The following DHRS9 variants were observed in gnomAD, a reference collection of about 807,000 sequenced individuals.
DHRS9 encodes the protein dehydrogenase/reductase 9, also known as dehydrogenase/reductase SDR family member 9.
A neutral mutation model predicts 26.6 loss-of-function variants in DHRS9; 18 were observed. The observed-to-expected ratio is 0.68, with a 90% CI of 0.47 to 1.00. The LOEUF (loss-of-function observed/expected upper bound fraction) is 1.00. Among genes scored for constraint, DHRS9 ranks in the 50% least tolerant of loss-of-function variants. DHRS9 has a pLI of 0.00. For missense variants in DHRS9, 425 were observed against 378.7 expected, an observed-to-expected ratio of 1.12 and a Z score of -1.01; for synonymous variants, 134 against 141.1, an observed-to-expected ratio of 0.95 and a Z score of 0.36.
upstream of DHRS9, among the ~76,000 whole-genome samples, chr2:169,067,892 G>A (rs573003895): frequency 6.6e-6 from 1 of 152,316 alleles, no homozygotes; most frequent in South Asian, 2.1e-4. Flanking sequence ...GAACCCATGA[G>A]TTGGGCCCAC....
rs758163644 is a variant in DHRS9, at chr2:169,081,697, C to T, written c.116C>T (p.Ser39Leu). Residue 39 changes from serine (S) to leucine (L), a missense_variant, in exon 2 of 5, where the codon TCG (serine) becomes TTG (leucine). By Grantham distance (145) the Ser-to-Leu change is moderately radical. Transcript: ENST00000674881. ...DKYIFITGCDSGFGNLAARTF... is the reference protein window; with the variant it reads ...DKYIFITGCDLGFGNLAARTF... ...TACATTTTTATCACTGGATGTGACT[C>T]GGGCTTTGGAAACTTGGCAGCCAGA... 1.7e-5 allele frequency: 28 copies of T among 1,614,022 alleles called. No individual in the cohort carries two copies. Among genetic ancestry groups the T allele is most frequent in the Non-Finnish European group, 2.2e-5 (26 of 1,180,028 alleles).
At chr2:169,076,774 C>T (rs892058787) in intron 1 of DHRS9, among the ~76,000 whole-genome samples, 2 of 152,260 alleles carry the variant, frequency 1.3e-5, no homozygotes, top group Admixed American at 1.3e-4. Flanking sequence ...CAAAACTTAA[C>T]TCACAGCCTA....
At chr2:169,088,729 CT>C (rs1300332254) in intron 3 of DHRS9, among the ~76,000 whole-genome samples, 2 of 152,130 alleles carry the variant, frequency 1.3e-5, no homozygotes, top group Non-Finnish European at 1.5e-5. Flanking sequence ...CTCCTTTTTA[CT>C]TTTTGCCTTA....
intron 1 of DHRS9, chr2:169,070,134 G>C (rs1683755718): frequency 1.0e-6 from 1 of 985,276 alleles, no homozygotes; most frequent in African/African-American, 1.7e-5. Context: ...CTGCAGGTCT[G>C]ATCTGTTTGT....
intron 1 of DHRS9, among the ~76,000 whole-genome samples, chr2:169,075,496 A>G (rs1015980921): frequency 1.4e-4 from 22 of 152,334 alleles, no homozygotes; most frequent in African/African-American, 4.6e-4. Context: ...TCATCACAGT[A>G]TAATTATCAA....
At chr2:169,081,117 C>T in intron 1 of DHRS9, 1 of 993,334 alleles carries the variant, frequency 1.0e-6, no homozygotes, top group Non-Finnish European at 1.2e-6. Context: ...AGATTTTAAG[C>T]CCATTCTGCA....
chr2:169,085,825 A>G (rs1684332220), intron 3 of DHRS9, among the ~76,000 whole-genome samples: 1 of 152,178 alleles, frequency 6.6e-6, no homozygotes, highest in South Asian at 2.1e-4. Context: ...AACAAGGATA[A>G]TTTGACTTCC....
chr2:169,073,594 C>T (rs770249864), intron 1 of DHRS9, among the ~76,000 whole-genome samples: 8 of 152,134 alleles, frequency 5.3e-5, no homozygotes, highest in African/African-American at 1.9e-4. Flanking sequence ...AGGGAGGGAA[C>T]AGATGGGAGG....
chr2:169,093,579 A>G (rs1436640545), intron 4 of DHRS9, among the ~76,000 whole-genome samples: 1 of 152,146 alleles, frequency 6.6e-6, no homozygotes, highest in Admixed American at 6.5e-5. Context: ...TCTCTGTTTG[A>G]TATTGATACC....
In DHRS9 at chr2:169,095,723, T is replaced by C. The variant is rs1059261; in HGVS notation, c.916T>C (p.Leu306=). The change falls in exon 5 of 5, where the codon TTG becomes CTG. Residue 306 remains leucine (L), a synonymous_variant. Coordinates refer to ENST00000674881, the MANE Select transcript of DHRS9 (RefSeq NM_001376924.1). ...HMPAALQDFL[L]LKQKAELANP... is the part of the protein sequence containing the mutation. ...GCCAGCAGCTTTGCAAGACTTTTTATTGTTGAAACAGAAAGCAGAGCTGGC... is the reference window on the plus strand; with the variant it reads ...GCCAGCAGCTTTGCAAGACTTTTTACTGTTGAAACAGAAAGCAGAGCTGGC... 0.21 allele frequency: 337,213 copies of C among 1,613,652 alleles called. 37,084 individuals carry two copies. Among genetic ancestry groups the C allele is most frequent in the African/African-American group, 0.38 (28,842 of 74,944 alleles).
intron 3 of DHRS9, among the ~76,000 whole-genome samples, chr2:169,085,831 C>A (rs902281082): frequency 1.3e-5 from 2 of 151,848 alleles, no homozygotes; most frequent in African/African-American, 4.8e-5. Context: ...GATAATTTGA[C>A]TTCCTCCTTT....
rs374056597 is a variant in DHRS9, at chr2:169,092,265, C to T, written c.736+312C>T. On this transcript the variant is annotated intron_variant, in intron 4 of 4. Coordinates refer to ENST00000674881, the MANE Select transcript of DHRS9 (RefSeq NM_001376924.1). ...TGTCCTGCTCAAGATTACACAACAC[C>T]TCCTAGTCATGCCTGGACCTGAGCC... 2.8e-4 allele frequency among the ~76,000 whole-genome samples: 43 copies of T among 152,290 alleles called. No individual in the cohort carries two copies. The East Asian group carries it at 2.9e-3, about 10-fold the overall frequency.
chr2:169,091,922 A>T lies in DHRS9; in HGVS notation c.705A>T (p.Lys235Asn). 6.2e-7 allele frequency: 1 copy of T among 1,613,986 alleles called. No individual in the cohort carries two copies. Among genetic ancestry groups the T allele is most frequent in the African/African-American group, 1.3e-5 (1 of 75,042 alleles). ...GGGAGCAGCTGTCTCCAGACATCAA[A>T]CAACAATATGGAGAAGGTTACATTG... ...AIWEQLSPDI[K>N]QQYGEGYIEK... The change falls in exon 4 of 5, where the codon AAA becomes AAT. Residue 235 changes from lysine to asparagine, a missense_variant. Coordinates refer to ENST00000674881, the MANE Select transcript of DHRS9 (RefSeq NM_001376924.1).
rs146827940 is a variant in DHRS9, at chr2:169,096,070, C to G, written c.*303C>G. 14 of 384,212 alleles carry G rather than the reference C, an allele frequency of 3.6e-5. No individual in the cohort carries two copies. The highest frequency in any genetic ancestry group is 1.6e-4 in the South Asian group (5 of 30,514). The allele number at this position is 384,212 out of a possible 1,614,324, so 23.8% of individuals were successfully genotyped here. ...CTTGCCCATTCAAAATGATCTTTAC[C>G]GTGGCCTGCCCCATGCTTATGGTCC... On this transcript the variant is annotated 3_prime_UTR_variant, in exon 5 of 5. Coordinates refer to ENST00000674881, the MANE Select transcript of DHRS9 (RefSeq NM_001376924.1).
At chr2:169,072,209 T>C (rs1683828527) in intron 1 of DHRS9, among the ~76,000 whole-genome samples, 1 of 152,144 alleles carries the variant, frequency 6.6e-6, no homozygotes. Context: ...CTTTAGAAAA[T>C]CATTGCTCAA....
chr2:169,080,729 A>ATT (rs58922149), intron 1 of DHRS9, among the ~76,000 whole-genome samples: 2,533 of 152,238 alleles, frequency 0.017, 74 homozygotes, highest in African/African-American at 0.058. Context: ...TACAGCATAC[A>ATT]TTTGCTTGGC....
chr2:169,094,837 A>G (rs1426153569), intron 4 of DHRS9, among the ~76,000 whole-genome samples: 1 of 152,122 alleles, frequency 6.6e-6, no homozygotes, highest in Non-Finnish European at 1.5e-5. Flanking sequence ...GTTGTAATCC[A>G]CCACTAATCC....
At chr2:169,094,308 C>T (rs1372313528) in intron 4 of DHRS9, among the ~76,000 whole-genome samples, 1 of 152,084 alleles carries the variant, frequency 6.6e-6, no homozygotes, top group Admixed American at 6.6e-5. Flanking sequence ...GTTTCTTATA[C>T]ATTTTGGATA....
intron 1 of DHRS9, among the ~76,000 whole-genome samples, chr2:169,078,815 CTTTTTTTTTTT>C (rs200691133): frequency 2.7e-5 from 3 of 110,368 alleles, no homozygotes; most frequent in South Asian, 3.0e-4. Context: ...TATCAACTGA[CTTTTTTTTTTT>C]TTTTTTTTTT....
Sources: gnomAD v4.1 joint callset for allele counts (sites outside exome capture counted in the v4.1 genomes callset) on GRCh38, gnomAD v4.1.1 for gene constraint, MANE v1.5 for transcripts, NCBI Gene and HGNC (gene_info 2026-07-23, HGNC 2026-07-21) for gene names.